MAP3K19: variants seen among roughly 807,000 people sequenced by gnomAD.
The protein encoded by MAP3K19 is mitogen-activated protein kinase kinase kinase 19.
A neutral mutation model predicts 114.4 loss-of-function variants in MAP3K19; 91 were observed. The observed-to-expected ratio is 0.80, with a 90% CI of 0.67 to 0.95. The LOEUF (loss-of-function observed/expected upper bound fraction) is 0.95, where lower values mean the gene tolerates loss of function less well. Among genes scored for constraint, MAP3K19 ranks in the 40% least tolerant of loss-of-function variants. The pLI is 0.00. For synonymous variants in MAP3K19, 518 were observed against 530.5 expected (o/e 0.98, Z 0.32); for missense variants, 1,471 against 1,573.2 (o/e 0.94, Z 1.10).
At chr2:135,031,895 C>T (rs1191434746) in intron 2 of MAP3K19, among the ~76,000 whole-genome samples, 1 of 152,136 alleles carries the variant, frequency 6.6e-6, no homozygotes, top group Admixed American at 6.5e-5. Context: ...GTCTGCTGTA[C>T]TGCCACGGCA....
intron 4 of MAP3K19, among the ~76,000 whole-genome samples, chr2:135,024,225 C>T (rs919210116): frequency 3.9e-5 from 6 of 152,198 alleles, no homozygotes; most frequent in Non-Finnish European, 8.8e-5. Context: ...CAAAGTCACA[C>T]GCTGCTCAGT....
At chr2:134,992,136 C>G (rs1685625234) in intron 8 of MAP3K19, among the ~76,000 whole-genome samples, 2 of 152,160 alleles carry the variant, frequency 1.3e-5, no homozygotes, top group Admixed American at 1.3e-4. Context: ...GGAAAATCAG[C>G]CTCTAAATTT....
At chr2:135,022,509 C>T (rs1374129741) in intron 4 of MAP3K19, among the ~76,000 whole-genome samples, 1 of 152,160 alleles carries the variant, frequency 6.6e-6, no homozygotes, top group East Asian at 1.9e-4. Flanking sequence ...TTTCAGGGTA[C>T]TGAAGACTTA....
At chr2:135,032,583 GTTT>G (rs1171594166) in intron 2 of MAP3K19, among the ~76,000 whole-genome samples, 61 of 129,938 alleles carry the variant, frequency 4.7e-4, no homozygotes, top group African/African-American at 2.0e-3. Context: ...AATGTTGTTT[GTTT>G]TTTTTTTAAT....
intron 5 of MAP3K19, among the ~76,000 whole-genome samples, chr2:135,021,497 C>CACAT (rs1446412219): frequency 6.6e-6 from 1 of 151,648 alleles, no homozygotes; most frequent in African/African-American, 2.4e-5. Flanking sequence ...CACACACACA[C>CACAT]GTGTACACAC....
intron 3 of MAP3K19, among the ~76,000 whole-genome samples, chr2:135,029,290 G>A: frequency 6.6e-6 from 1 of 152,134 alleles, no homozygotes; most frequent in East Asian, 1.9e-4. Context: ...GTGGGAGAAT[G>A]GCGTGAACCC....
intron 9 of MAP3K19, chr2:134,991,197 A>C (rs1226625483): frequency 3.8e-6 from 1 of 262,976 alleles, no homozygotes; most frequent in Non-Finnish European, 7.5e-6. Flanking sequence ...GCTACTCGGG[A>C]GGCTGAGGCA....
intron 12 of MAP3K19, among the ~76,000 whole-genome samples, chr2:134,968,171 T>TG (rs1352994003): frequency 2.2e-4 from 33 of 152,206 alleles, no homozygotes; most frequent in African/African-American, 7.2e-4. Flanking sequence ...AGCACAGGGT[T>TG]GGGGGTAAGG....
chr2:134,995,854 G>T (rs1221912134), intron 8 of MAP3K19, among the ~76,000 whole-genome samples: 1 of 152,140 alleles, frequency 6.6e-6, no homozygotes, highest in African/African-American at 2.4e-5. Context: ...AATCTTAATA[G>T]ATGAAGCCCA....
chr2:134,977,356 A>ATTT (rs774277347), intron 12 of MAP3K19, among the ~76,000 whole-genome samples: 944 of 86,764 alleles, frequency 0.011, 62 homozygotes, highest in African/African-American at 0.031. Flanking sequence ...TAATTTTTAA[A>ATTT]TTTTTTTTTT....
chr2:134,974,077 C>A (rs765985447), intron 12 of MAP3K19, among the ~76,000 whole-genome samples: 11 of 152,270 alleles, frequency 7.2e-5, no homozygotes, highest in Non-Finnish European at 1.5e-4. Flanking sequence ...TCTCGGCTCA[C>A]TGCACCCTCC....
At position 135,033,436 on chromosome 2, in the gene MAP3K19, T is replaced by C. The variant is rs1443002788; in HGVS notation, c.-283-2936A>G. 4.8e-4 allele frequency among the ~76,000 whole-genome samples: 48 copies of C among 101,030 alleles called. 10 individuals are homozygous for C. Among genetic ancestry groups the C allele is most frequent in the African/African-American group, 2.3e-3 (44 of 18,928 alleles). 66.3% of individuals were successfully genotyped at this position (101,030 alleles called of 152,430 possible). A position where few individuals can be genotyped will look rare whatever the true frequency, so the allele number is the denominator to read the frequency against. On this transcript the variant is annotated intron_variant, in intron 2 of 12. Transcript: ENST00000392915. Reference sequence around the variant, plus strand: ...GGCAGAGGGGATCCTCACTTCCCAGTAGGGGCGGTCGGGCAGAGGCGCCCC... The same window carrying C: ...GGCAGAGGGGATCCTCACTTCCCAGCAGGGGCGGTCGGGCAGAGGCGCCCC...
At chr2:134,998,544 T>G (rs1305679763) in intron 8 of MAP3K19, among the ~76,000 whole-genome samples, 194 bp downstream of exon 8, 1 of 152,186 alleles carries the variant, frequency 6.6e-6, no homozygotes, top group Non-Finnish European at 1.5e-5. Flanking sequence ...ATGCCATCCT[T>G]CATTTTACTT....
At position 134,983,753 on chromosome 2, in the gene MAP3K19, A is replaced by G; in HGVS notation, c.3145T>C (p.Ser1049Pro). 3.1e-6 allele frequency: 5 copies of G among 1,608,120 alleles called. No individual in the cohort carries two copies. The highest frequency in any genetic ancestry group is 4.2e-6 in the Non-Finnish European group (5 of 1,177,386). ...TCTTCAGACTTTAAACTATTTTCAG[A>G]AAATATCTTCTTTTCATTTGAGATG... ...FLISNEKKIF[S>P]ENSLKSEEPI... Residue 1049 changes from serine to proline, a missense_variant, in exon 11 of 13, where the codon TCT becomes CCT. By Grantham distance (74) the Ser-to-Pro change is moderately conservative. Transcript: ENST00000392915.
intron 11 of MAP3K19, 94 bp from the exon 12 acceptor site, chr2:134,981,612 T>C: frequency 1.0e-6 from 1 of 957,256 alleles, no homozygotes. Context: ...CTTCTCTTTC[T>C]AAACCCTTGT....
At position 135,030,374 on chromosome 2, in the gene MAP3K19, G is replaced by A. The variant is rs1688352217; in HGVS notation, c.-157C>T. Reference sequence around the variant, plus strand: ...GAACTTTGTAGAAGTTGCATTTGGGGAGCCTGGATTCTATTGACTGCCAAG... The same window carrying A: ...GAACTTTGTAGAAGTTGCATTTGGGAAGCCTGGATTCTATTGACTGCCAAG... On this transcript the variant is annotated 5_prime_UTR_variant, in exon 3 of 13. Coordinates refer to ENST00000392915, the MANE Select transcript of MAP3K19 (RefSeq NM_025052.5). 6.6e-6 allele frequency: 1 copy of A among 152,622 alleles called. No individual in the cohort carries two copies. The highest frequency in any genetic ancestry group is 1.5e-5 in the Non-Finnish European group (1 of 68,032). 9.5% of individuals were successfully genotyped at this position (152,622 alleles called of 1,614,324 possible).
chr2:134,968,835 G>A (rs1005312044), intron 12 of MAP3K19, among the ~76,000 whole-genome samples: 4 of 151,022 alleles, frequency 2.6e-5, no homozygotes, highest in African/African-American at 9.8e-5. Flanking sequence ...ATGGGATGGC[G>A]GCTGGGCAGA....
At chr2:135,047,128 A>T (rs1040749120) in intron 1 of MAP3K19, 57 bp downstream of exon 1, 2 of 152,220 alleles carry the variant, frequency 1.3e-5, no homozygotes, top group African/African-American at 4.8e-5. Context: ...TGGGGAGTAA[A>T]AAAGTTGCAA....
At chr2:134,995,316 CAAA>C (rs1216574455) in intron 8 of MAP3K19, among the ~76,000 whole-genome samples, 3 of 93,410 alleles carry the variant, frequency 3.2e-5, no homozygotes, top group Non-Finnish European at 4.6e-5. Flanking sequence ...GACTCTGTCT[CAAA>C]AAAAAAAAAA....
Sources: allele counts gnomAD v4.1 joint callset (sites outside exome capture counted in the v4.1 genomes callset), GRCh38; gene constraint gnomAD v4.1.1; transcripts MANE v1.5; gene names NCBI Gene and HGNC (gene_info 2026-07-23, HGNC 2026-07-21).